The following CXorf58 variants were observed in gnomAD, a reference collection of about 807,000 sequenced individuals.
The protein encoded by CXorf58 is uncharacterized protein CXorf58.
Under a neutral mutation model 26.0 loss-of-function variants are expected in CXorf58, and 24 were observed. The ratio of observed to expected loss-of-function variants is 0.92; its 90% CI spans 0.67 to 1.30. CXorf58 has a LOEUF of 1.30. CXorf58 is among the 50% of genes most tolerant of loss of function. The pLI, the probability that CXorf58 is intolerant of heterozygous loss-of-function variation, is 0.00. For synonymous variants in CXorf58, 87 were observed against 86.1 expected (o/e 1.01, Z -0.06); for missense variants, 236 against 263.9 (o/e 0.89, Z 0.73).
chrX:23,925,793 T>C (rs1465223427), intron 5 of CXorf58, among the ~76,000 whole-genome samples: 44 of 96,304 alleles, frequency 4.6e-4, no homozygotes, highest in African/African-American at 1.5e-3. Context: ...TTTCTTTTTT[T>C]TTTTTTTTTT....
At chrX:23,919,940 C>T (rs1035168560) in intron 5 of CXorf58, among the ~76,000 whole-genome samples, 20 of 112,860 alleles carry the variant, frequency 1.8e-4, no homozygotes, top group South Asian at 7.2e-4. Context: ...GGCTAAGATC[C>T]GGAAGAATTC....
At chrX:23,932,561 A>G (rs931167600) in intron 6 of CXorf58, among the ~76,000 whole-genome samples, 1 of 112,355 alleles carries the variant, frequency 8.9e-6, no homozygotes, top group Non-Finnish European at 1.9e-5. Context: ...CAACACAACT[A>G]TATACGTTGC....
chrX:23,929,957 G>T (rs1315193001), intron 6 of CXorf58, among the ~76,000 whole-genome samples: 1 of 110,866 alleles, frequency 9.0e-6, no homozygotes, highest in Non-Finnish European at 1.9e-5. Context: ...CAGCACTTTG[G>T]GAGACCAAGG....
At chrX:23,914,060 T>G (rs1305464001) in intron 3 of CXorf58, among the ~76,000 whole-genome samples, 1 of 111,860 alleles carries the variant, frequency 8.9e-6, no homozygotes, top group African/African-American at 3.2e-5. Context: ...TACCTTAAAT[T>G]AATAATGCTT....
chrX:23,914,519 C>G (rs1396615743), intron 3 of CXorf58, among the ~76,000 whole-genome samples: 1 of 112,149 alleles, frequency 8.9e-6, no homozygotes, highest in African/African-American at 3.2e-5. Context: ...CATTCACTAC[C>G]TGTATGCCTT....
chrX:23,935,554 C>T (rs913595378), intron 7 of CXorf58, 129 bp downstream of exon 7: 6 of 483,102 alleles, frequency 1.2e-5, no homozygotes, highest in Non-Finnish European at 2.0e-5. Flanking sequence ...TTGCTCAAAA[C>T]GTATGCAATT....
intron 7 of CXorf58, 44 bp downstream of exon 7, chrX:23,935,469 C>A: frequency 1.1e-6 from 1 of 942,425 alleles, no homozygotes; most frequent in African/African-American, 1.9e-5. Flanking sequence ...AGGGGCATAT[C>A]TGAAAATGTT....
intron 5 of CXorf58, among the ~76,000 whole-genome samples, chrX:23,917,936 G>A (rs1003003071): frequency 9.0e-6 from 1 of 111,341 alleles, no homozygotes; most frequent in African/African-American, 3.3e-5. Flanking sequence ...CGCCTCCCAG[G>A]TTCACGCCAT....
intron 6 of CXorf58, among the ~76,000 whole-genome samples, chrX:23,932,765 TG>T (rs1466099412): frequency 1.8e-5 from 2 of 110,435 alleles, no homozygotes; most frequent in Non-Finnish European, 3.8e-5. Flanking sequence ...GAGGCCAAGG[TG>T]GGTGGATCAC....
rs755097364 is a variant in CXorf58, at chrX:23,935,398, A to G, written c.758A>G (p.His253Arg). The G allele has an allele frequency of 1.3e-5, 15 of 1,199,208 alleles. No homozygotes were observed. Among genetic ancestry groups the G allele is most frequent in the Non-Finnish European group, 1.7e-5 (15 of 885,575 alleles). ...QRPVTQEIHK[H>R]QLRIVSEIRG... is the part of the protein sequence containing the mutation. ...CCAGTAACGCAAGAGATCCATAAGC[A>G]CCAGCTACGGATTGTTTCTGAAATT... is the stretch of plus-strand genomic sequence containing the variant. The change falls in exon 7 of 9, where the codon CAC becomes CGC. Residue 253 changes from histidine to arginine, a missense_variant. His to Arg is a conservative substitution (Grantham distance 29). Coordinates refer to ENST00000379211, the MANE Select transcript of CXorf58 (RefSeq NM_152761.3).
At chrX:23,934,755 C>T (rs1928250323) in intron 6 of CXorf58, among the ~76,000 whole-genome samples, 1 of 111,233 alleles carries the variant, frequency 9.0e-6, no homozygotes, top group African/African-American at 3.3e-5. Flanking sequence ...AACTCCCGAC[C>T]TCAAGTGACC....
intron 6 of CXorf58, 85 bp downstream of exon 6, chrX:23,927,455 T>C: frequency 2.1e-6 from 1 of 487,375 alleles, no homozygotes; most frequent in Non-Finnish European, 3.1e-6. Context: ...CATACTTTTT[T>C]ATTATGGTAA....
chrX:23,932,657 T>C (rs1928187967), intron 6 of CXorf58, among the ~76,000 whole-genome samples: 1 of 111,756 alleles, frequency 8.9e-6, no homozygotes, highest in Non-Finnish European at 1.9e-5. Context: ...TCACTAATCA[T>C]GATGATCATC....
chrX:23,928,028 A>G (rs934126529), intron 6 of CXorf58, among the ~76,000 whole-genome samples: 1 of 111,547 alleles, frequency 9.0e-6, no homozygotes, highest in African/African-American at 3.3e-5. Flanking sequence ...CGGATATTTC[A>G]TATAAAGGAA....
In CXorf58 at chrX:23,938,528, T is replaced by C. The variant is rs771684448; in HGVS notation, c.786-19T>C. The C allele has an allele frequency of 9.2e-7, 1 of 1,090,288 alleles. No individual in the cohort carries two copies. The highest frequency in any genetic ancestry group is 3.5e-5 in the Admixed American group (1 of 28,908). The allele number at this position is 1,090,288 out of a possible 1,213,427, so 89.9% of individuals were successfully genotyped here. On this transcript the variant is annotated intron_variant, in intron 7 of 8. Transcript: ENST00000379211. Reference sequence around the variant, plus strand: ...TTATTCTGTGTGATTTTTCTGTTTTTAATACAAACATTTTCTAGGGGTCCA... The same window carrying C: ...TTATTCTGTGTGATTTTTCTGTTTTCAATACAAACATTTTCTAGGGGTCCA...
intron 6 of CXorf58, among the ~76,000 whole-genome samples, chrX:23,931,995 C>G (rs933113854): frequency 2.7e-5 from 3 of 112,196 alleles, no homozygotes; most frequent in African/African-American, 9.7e-5. Context: ...TGTGAATATA[C>G]TGGAAACTAT....
chrX:23,909,030 T>C (rs1927495945), intron 1 of CXorf58, among the ~76,000 whole-genome samples: 1 of 111,563 alleles, frequency 9.0e-6, no homozygotes, highest in South Asian at 3.7e-4. Flanking sequence ...CTGCCAGCCT[T>C]GGTGTTAGTT....
intron 6 of CXorf58, among the ~76,000 whole-genome samples, chrX:23,928,030 A>G (rs767517584): frequency 1.7e-3 from 190 of 111,673 alleles, no homozygotes; most frequent in South Asian, 4.9e-3. Flanking sequence ...GATATTTCAT[A>G]TAAAGGAAAT....
intron 5 of CXorf58, among the ~76,000 whole-genome samples, chrX:23,926,547 C>T (rs765031581): frequency 3.6e-5 from 4 of 111,939 alleles, no homozygotes; most frequent in Admixed American, 2.9e-4. Context: ...GCAGTTCCTA[C>T]GGTAACTCGT....
Sources: gnomAD v4.1 joint callset for allele counts (sites outside exome capture counted in the v4.1 genomes callset) on GRCh38, gnomAD v4.1.1 for gene constraint, MANE v1.5 for transcripts, NCBI Gene and HGNC (gene_info 2026-07-23, HGNC 2026-07-21) for gene names.